PPP1R3A: variants seen among roughly 807,000 people sequenced by gnomAD.
The protein encoded by PPP1R3A is protein phosphatase 1 regulatory subunit 3A, also known as RG1.
A neutral mutation model predicts 41.7 loss-of-function variants in PPP1R3A; 29 were observed. The ratio of observed to expected loss-of-function variants is 0.70; its 90% CI spans 0.52 to 0.95. The LOEUF (loss-of-function observed/expected upper bound fraction) is 0.95, where lower values mean the gene tolerates loss of function less well. Among genes scored for constraint, PPP1R3A ranks in the 40% least tolerant of loss-of-function variants. The probability of loss-of-function intolerance (pLI) is 0.00; values close to 1 mark genes in which losing one functional copy is unlikely to be tolerated. For missense variants in PPP1R3A, 1,352 were observed against 1,292.4 expected, an observed-to-expected ratio of 1.05 and a Z score of -0.71; for synonymous variants, 485 against 453.4, an observed-to-expected ratio of 1.07 and a Z score of -0.89.
At chr7:113,887,603 G>A (rs1180664855) in intron 1 of PPP1R3A, among the ~76,000 whole-genome samples, 1 of 152,166 alleles carries the variant, frequency 6.6e-6, no homozygotes, top group African/African-American at 2.4e-5. Context: ...GACTGTTGGA[G>A]AAATCAGGAA....
At position 113,879,316 on chromosome 7, in the gene PPP1R3A, T is replaced by C; in HGVS notation, c.1776A>G (p.Glu592=). Residue 592 remains glutamate, a synonymous_variant, in exon 4 of 4, where the codon GAA becomes GAG. Coordinates refer to ENST00000284601, the MANE Select transcript of PPP1R3A (RefSeq NM_002711.4). ...SHSPRTNLSW[E]EAVLTPEHHH... ...GATGCTCTGGGGTTAACACAGCTTCTTCCCAACTTAAATTTGTCCTTGGTG... is the reference window on the plus strand; with the variant it reads ...GATGCTCTGGGGTTAACACAGCTTCCTCCCAACTTAAATTTGTCCTTGGTG... 6.2e-7 allele frequency: 1 copy of C among 1,613,636 alleles called. No homozygotes were observed. Among genetic ancestry groups the C allele is most frequent in the Non-Finnish European group, 8.5e-7 (1 of 1,179,722 alleles).
At chr7:113,906,834 C>G (rs983865253) in intron 1 of PPP1R3A, among the ~76,000 whole-genome samples, 2 of 151,634 alleles carry the variant, frequency 1.3e-5, no homozygotes, top group Non-Finnish European at 3.0e-5. Flanking sequence ...GTCACACGTA[C>G]AAGTTCTTAA....
At position 113,878,753 on chromosome 7, in the gene PPP1R3A, T is replaced by A. The variant is rs1326519928; in HGVS notation, c.2339A>T (p.Asn780Ile). 5.6e-6 allele frequency: 9 copies of A among 1,613,536 alleles called. No individual in the cohort carries two copies. The highest frequency in any genetic ancestry group is 3.3e-5 in the Admixed American group (2 of 59,864). ...ACAAAGGGTATAATGTGAATCATCA[T>A]TTCTCCCTTCATGTGGATCAAACGC... ...ETAFDPHEGR[N>I]DDSHYTLCQR... is the part of the protein sequence containing the mutation. The change falls in exon 4 of 4, where the codon AAT becomes ATT. Residue 780 changes from asparagine (N) to isoleucine (I), a missense_variant. Coordinates refer to ENST00000284601, the MANE Select transcript of PPP1R3A (RefSeq NM_002711.4).
chr7:113,904,691 A>AC (rs1584418247), intron 1 of PPP1R3A, among the ~76,000 whole-genome samples: 1 of 151,700 alleles, frequency 6.6e-6, no homozygotes, highest in African/African-American at 2.4e-5. Context: ...TACAAAGAAA[A>AC]AAAAATTGTC....
At chr7:113,880,778 C>T (rs188598608) in intron 3 of PPP1R3A, among the ~76,000 whole-genome samples, 23 of 151,334 alleles carry the variant, frequency 1.5e-4, no homozygotes, top group South Asian at 4.2e-4. Flanking sequence ...GCAAATCTTA[C>T]GTTTTCCCCT....
intron 1 of PPP1R3A, among the ~76,000 whole-genome samples, chr7:113,914,252 G>C (rs1227068788): frequency 1.3e-5 from 2 of 152,050 alleles, no homozygotes; most frequent in Non-Finnish European, 2.9e-5. Flanking sequence ...TTATTTGACA[G>C]GTGAATAAAC....
chr7:113,902,766 T>C (rs1364840059), intron 1 of PPP1R3A, among the ~76,000 whole-genome samples: 1 of 151,928 alleles, frequency 6.6e-6, no homozygotes, highest in Admixed American at 6.6e-5. Flanking sequence ...ATTGCATTTA[T>C]CTGGTAACCT....
chr7:113,891,420 A>G (rs1212202901), intron 1 of PPP1R3A, among the ~76,000 whole-genome samples: 1 of 152,022 alleles, frequency 6.6e-6, no homozygotes, highest in East Asian at 1.9e-4. Context: ...AATGTTTACC[A>G]TATTCTCTCA....
chr7:113,918,738 T>C lies in PPP1R3A; in HGVS notation c.259A>G (p.Ser87Gly), dbSNP rs752150752. ...CCTAAGTCAAAAGTGGTTGAAGCAC[T>C]CGGTAATTCCCAGCAATCAAATTCT... ...VKEFDCWELPSASTTFDLGTD... is the reference protein window; with the variant it reads ...VKEFDCWELPGASTTFDLGTD... The change falls in exon 1 of 4, where the codon AGT (serine) becomes GGT (glycine). Residue 87 changes from serine to glycine, a missense_variant. By Grantham distance (56) the Ser-to-Gly change is moderately conservative. Transcript: ENST00000284601. The C allele has an allele frequency of 6.2e-7, 1 of 1,613,844 alleles. No homozygotes were observed. Among genetic ancestry groups the C allele is most frequent in the Non-Finnish European group, 8.5e-7 (1 of 1,179,852 alleles).
At chr7:113,896,458 A>G (rs958734360) in intron 1 of PPP1R3A, among the ~76,000 whole-genome samples, 2 of 151,902 alleles carry the variant, frequency 1.3e-5, no homozygotes, top group African/African-American at 4.8e-5. Context: ...TGACTAAACC[A>G]GTCGAAGTTC....
At chr7:113,913,912 G>A (rs1797295336) in intron 1 of PPP1R3A, among the ~76,000 whole-genome samples, 2 of 151,900 alleles carry the variant, frequency 1.3e-5, no homozygotes, top group Non-Finnish European at 1.5e-5. Flanking sequence ...CTTTTCCCTT[G>A]GGGCCTCTTC....
At chr7:113,881,020 G>A (rs116209511) in intron 3 of PPP1R3A, among the ~76,000 whole-genome samples, 2 of 151,930 alleles carry the variant, frequency 1.3e-5, no homozygotes, top group Non-Finnish European at 1.5e-5. Flanking sequence ...CCTGCTCATC[G>A]TAATGAGATG....
In PPP1R3A at chr7:113,879,728, C is replaced by T. The variant is rs1279266375; in HGVS notation, c.1364G>A (p.Cys455Tyr). 3 of 1,613,224 alleles carry T rather than the reference C, an allele frequency of 1.9e-6. No individual in the cohort carries two copies. Among genetic ancestry groups the T allele is most frequent in the Non-Finnish European group, 2.5e-6 (3 of 1,179,678 alleles). The part of the protein sequence containing the change: ...AHGNGTVQIP[C>Y]PSSDQLMAGN... ...TGCCATTAGTTGATCTGAAGAGGGG[C>T]AAGGTATTTGCACTGTGCCATTGCC... is the stretch of plus-strand genomic sequence containing the variant. Residue 455 changes from cysteine to tyrosine, a missense_variant, in exon 4 of 4, where the codon TGC (cysteine) becomes TAC (tyrosine). By Grantham distance (194) the Cys-to-Tyr change is radical. Transcript: ENST00000284601.
rs1213966334 is a variant in PPP1R3A at position 113,890,819 on chromosome 7, A to T, written c.783-8499T>A. 3.9e-5 allele frequency among the ~76,000 whole-genome samples: 6 copies of T among 152,190 alleles called. 1 individual carries two copies. The highest frequency in any genetic ancestry group is 1.4e-4 in the African/African-American group (6 of 41,564). ...AATCATTCAAAAATGTGAGTTCTAC[A>T]GACTCTTTACCTCTGAGCCCCATGC... is the stretch of plus-strand genomic sequence containing the variant. On this transcript the variant is annotated intron_variant, in intron 1 of 3. Transcript: ENST00000284601.
intron 3 of PPP1R3A, among the ~76,000 whole-genome samples, chr7:113,880,373 A>G (rs1293785147): frequency 6.6e-6 from 1 of 151,998 alleles, no homozygotes; most frequent in Non-Finnish European, 1.5e-5. Context: ...GCTTCCAACT[A>G]TCACATTGTA....
chr7:113,887,895 G>T (rs1434478342), intron 1 of PPP1R3A, among the ~76,000 whole-genome samples: 3 of 152,102 alleles, frequency 2.0e-5, no homozygotes, highest in African/African-American at 7.2e-5. Context: ...GCCGGGCATG[G>T]TGGCAGGCAC....
rs577973298 is a variant in PPP1R3A at position 113,902,232 on chromosome 7, A to G, written c.782+15983T>C. Among the ~76,000 whole-genome samples the G allele has an allele frequency of 2.0e-5, 3 of 151,826 alleles. No individual in the cohort carries two copies. In the South Asian group the frequency reaches 6.2e-4, roughly 32 times the overall value. ...AGACTCCAACTCCTGAACTCAAGTG[A>G]TACTCCAGCCTCAGCCTCCCAAGTA... is the stretch of plus-strand genomic sequence containing the variant. On this transcript the variant is annotated intron_variant, in intron 1 of 3. Transcript: ENST00000284601.
chr7:113,883,463 TTA>T (rs1378175989), intron 1 of PPP1R3A, among the ~76,000 whole-genome samples: 10 of 152,018 alleles, frequency 6.6e-5, no homozygotes, highest in South Asian at 2.1e-4. Context: ...TTATATATTT[TTA>T]TGATTCATAA....
intron 1 of PPP1R3A, among the ~76,000 whole-genome samples, chr7:113,916,084 A>G (rs1017185945): frequency 6.6e-6 from 1 of 152,026 alleles, no homozygotes; most frequent in Admixed American, 6.6e-5. Flanking sequence ...TTCATGTTGG[A>G]CTGAAATTCA....
Sources: allele counts gnomAD v4.1 joint callset (sites outside exome capture counted in the v4.1 genomes callset), GRCh38; gene constraint gnomAD v4.1.1; transcripts MANE v1.5; gene names NCBI Gene and HGNC (gene_info 2026-07-23, HGNC 2026-07-21).